The following TAF1D variants were observed in gnomAD, a reference collection of about 807,000 sequenced individuals.
TAF1D encodes the protein TATA-box binding protein associated factor, RNA polymerase I subunit D.
Under a neutral mutation model 26.2 loss-of-function variants are expected in TAF1D, and 23 were observed. The observed-to-expected ratio is 0.88, with a 90% CI of 0.63 to 1.25. The LOEUF is 1.25. Among genes scored for constraint, TAF1D ranks in the 50% most tolerant of loss-of-function variants. The probability of loss-of-function intolerance (pLI) is 0.00; values close to 1 mark genes in which losing one functional copy is unlikely to be tolerated. For synonymous variants in TAF1D, 100 were observed against 105.6 expected (o/e 0.95, Z 0.33); for missense variants, 299 against 322.0 (o/e 0.93, Z 0.55).
intron 2 of TAF1D, chr11:93,738,880 TA>T (rs1941270063): frequency 3.2e-6 from 1 of 308,362 alleles, no homozygotes; most frequent in African/African-American, 2.2e-5. Flanking sequence ...AAAAAAACTG[TA>T]TCTTTCAAGA....
intron 4 of TAF1D, 22 bp from the exon 5 acceptor site, chr11:93,736,773 T>A: frequency 6.2e-7 from 1 of 1,600,704 alleles, no homozygotes; most frequent in Non-Finnish European, 8.5e-7. Flanking sequence ...AAATTTATCA[T>A]CGAGATGACA....
At chr11:93,736,340 A>G (rs1439414261) in intron 5 of TAF1D, 36 bp from the exon 6 acceptor site, 2 of 1,570,760 alleles carry the variant, frequency 1.3e-6, no homozygotes, top group Middle Eastern at 1.7e-4. Context: ...GGATTAAGCA[A>G]TAACTCAAAT....
intron 2 of TAF1D, chr11:93,739,001 T>C: frequency 9.5e-6 from 5 of 527,244 alleles, no homozygotes; most frequent in South Asian, 2.5e-5. Flanking sequence ...GAGATGCTAA[T>C]ATGACCCAAA....
In TAF1D at chr11:93,736,730, T is replaced by G. The variant is rs771448164; in HGVS notation, c.657A>C (p.Thr219=). The change falls in exon 5 of 6, where the codon ACA becomes ACC. Residue 219 remains threonine, a synonymous_variant. Coordinates refer to ENST00000448108, the MANE Select transcript of TAF1D (RefSeq NM_024116.4). Reference sequence around the variant, plus strand: ...TATCACATTCGTTATCTTCAAGATGTGTTGCATCCTCATCCTCTGCTCTGT... The same window carrying G: ...TATCACATTCGTTATCTTCAAGATGGGTTGCATCCTCATCCTCTGCTCTGT... ...EESTAEDEDA[T]HLEDNECDIK... The G allele has an allele frequency of 1.9e-6, 3 of 1,611,248 alleles. No individual in the cohort carries two copies. The Admixed American group carries it at 5.1e-5, about 27-fold the overall frequency.
At chr11:93,734,991 T>C, downstream of TAF1D, 1 of 1,196,918 alleles carries the variant, frequency 8.4e-7, no homozygotes, top group East Asian at 4.9e-5. Flanking sequence ...CTTGAACTCC[T>C]GGTTTCAAGC....
chr11:93,734,330 C>T (rs1940188648), downstream of TAF1D: 1 of 227,848 alleles, frequency 4.4e-6, no homozygotes, highest in African/African-American at 2.3e-5. Flanking sequence ...TCCTCTGCCT[C>T]ATTTTAGATT....
At chr11:93,741,207 A>G (rs1941971232) in intron 1 of TAF1D, 115 bp downstream of exon 1, 1 of 412,872 alleles carries the variant, frequency 2.4e-6, no homozygotes, top group South Asian at 1.8e-5. Flanking sequence ...ACCCTCTCGG[A>G]CCGACTTCGG....
intron 3 of TAF1D, 76 bp from the exon 4 acceptor site, chr11:93,737,315 C>G: frequency 1.0e-6 from 1 of 991,256 alleles, no homozygotes; most frequent in Admixed American, 2.8e-5. Context: ...TCAAAAAGGG[C>G]AATGCCCCCC....
At chr11:93,734,952 G>A, downstream of TAF1D, 1 of 1,009,490 alleles carries the variant, frequency 9.9e-7, no homozygotes, top group South Asian at 1.6e-5. Flanking sequence ...TTGTGGAGAT[G>A]TGTTTCTTAC....
At chr11:93,735,418 C>G, downstream of TAF1D, 1 of 799,628 alleles carries the variant, frequency 1.3e-6, no homozygotes, top group South Asian at 3.0e-5. Flanking sequence ...TGCCATGGCT[C>G]ACACCTATAA....
intron 2 of TAF1D, among the ~76,000 whole-genome samples, chr11:93,738,791 A>C (rs1261244983): frequency 1.3e-5 from 2 of 152,154 alleles, no homozygotes; most frequent in African/African-American, 4.8e-5. Context: ...AAACTCCTGG[A>C]AACTCCAGGG....
At chr11:93,735,316 TC>T, downstream of TAF1D, 1 of 1,220,022 alleles carries the variant, frequency 8.2e-7, no homozygotes, top group Non-Finnish European at 1.1e-6. Flanking sequence ...AATGACTGGT[TC>T]TCCCCAGGTA....
rs970800487 is a variant in TAF1D at position 93,735,962 on chromosome 11, T to C, written c.*199A>G. ...TGTATTTTCTCTGGTGTTTTAATGG[T>C]TTTTTTTCTAATTATTACTACTTCA... On this transcript the variant is annotated 3_prime_UTR_variant, in exon 6 of 6. Transcript: ENST00000448108. 1 of 1,338,058 alleles carries C rather than the reference T, an allele frequency of 7.5e-7. No homozygotes were observed. Among genetic ancestry groups the C allele is most frequent in the Non-Finnish European group, 9.5e-7 (1 of 1,049,962 alleles). 82.9% of individuals were successfully genotyped at this position (1,338,058 alleles called of 1,614,324 possible). A position where few individuals can be genotyped will look rare whatever the true frequency, so the allele number is the denominator to read the frequency against.
chr11:93,738,682 C>T (rs903110255), intron 2 of TAF1D, among the ~76,000 whole-genome samples, 183 bp from the exon 3 acceptor site: 1 of 152,138 alleles, frequency 6.6e-6, no homozygotes, highest in African/African-American at 2.4e-5. Flanking sequence ...ATTTAAATAG[C>T]CCATAATGCT....
chr11:93,736,437 A>G, intron 5 of TAF1D, 133 bp from the exon 6 acceptor site: 1 of 1,424,546 alleles, frequency 7.0e-7, no homozygotes, highest in Non-Finnish European at 9.1e-7. Context: ...CCAAATTAAC[A>G]TTGCTTATTT....
chr11:93,731,234 T>C, downstream of TAF1D: 1 of 382,112 alleles, frequency 2.6e-6, no homozygotes, highest in Non-Finnish European at 5.1e-6. Flanking sequence ...AAAATGTGTA[T>C]TTCAAATTTA....
downstream of TAF1D, chr11:93,730,799 CTGAGT>C (rs1356819051): frequency 2.5e-6 from 1 of 407,808 alleles, no homozygotes; most frequent in Non-Finnish European, 4.8e-6. Context: ...TAGAACGAGC[CTGAGT>C]TAACTCTACT....
rs755606000 is a variant in TAF1D at position 93,738,166 on chromosome 11, T to C, written c.402A>G (p.Pro134=). The C allele has an allele frequency of 1.5e-5, 23 of 1,569,644 alleles. No homozygotes were observed. The South Asian group carries it at 2.8e-4, about 19-fold the overall frequency. Residue 134 remains proline, a synonymous_variant, in exon 3 of 6, where the codon CCA becomes CCG. Coordinates refer to ENST00000448108, the MANE Select transcript of TAF1D (RefSeq NM_024116.4). ...TTTTTTCATTCTCTGATTCTAAAAA[T>C]GGGAAGCCAGATCCTCTGCTTCTAA... The part of the protein sequence containing the change: ...KQFRSRGSGF[P]FLESENEKNA...
In TAF1D at chr11:93,741,456, G is replaced by A. The variant is rs1415332948; in HGVS notation, c.-162C>T. 4 of 456,164 alleles carry A rather than the reference G, an allele frequency of 8.8e-6. No homozygotes were observed. The highest frequency in any genetic ancestry group is 1.8e-5 in the Non-Finnish European group (4 of 226,948). 28.3% of individuals were successfully genotyped at this position (456,164 alleles called of 1,614,324 possible). ...TCCCGACCTCAGCCCTCCAACTCCC[G>A]ATAACCAGCCGACCTCCTCCAACCG... On this transcript the variant is annotated 5_prime_UTR_variant, in exon 1 of 6. Transcript: ENST00000448108.
Sources: gnomAD v4.1 joint callset for allele counts (sites outside exome capture counted in the v4.1 genomes callset) on GRCh38, gnomAD v4.1.1 for gene constraint, MANE v1.5 for transcripts, NCBI Gene and HGNC (gene_info 2026-07-23, HGNC 2026-07-21) for gene names.